MYO7B: variants seen among roughly 807,000 people sequenced by gnomAD.
MYO7B encodes the protein unconventional myosin-VIIb.
In MYO7B, 212 loss-of-function variants were observed where a neutral mutation model predicts 259.7. The ratio of observed to expected loss-of-function variants is 0.82; its 90% confidence interval spans 0.73 to 0.91. The LOEUF (loss-of-function observed/expected upper bound fraction) is 0.91, where lower values mean the gene tolerates loss of function less well. MYO7B is among the 40% of genes least tolerant of loss of function. The pLI, the probability that MYO7B is intolerant of heterozygous loss-of-function variation, is 0.00. For synonymous variants in MYO7B, 1,197 were observed against 1,166.4 expected, an observed-to-expected ratio of 1.03 and a Z score of -0.54; for missense variants, 2,732 against 2,813.5, an observed-to-expected ratio of 0.97 and a Z score of 0.66.
intron 9 of MYO7B, among the ~76,000 whole-genome samples, chr2:127,578,745 A>G (rs1311100347): frequency 6.6e-6 from 1 of 152,216 alleles, no homozygotes; most frequent in Non-Finnish European, 1.5e-5. Context: ...TTTTTCAAAC[A>G]CAACATCCAG....
Position 127,584,852 on chromosome 2 carries a change from C to G in MYO7B, c.1629C>G (p.Asn543Lys). 6.2e-7 allele frequency: 1 copy of G among 1,613,996 alleles called. No homozygotes were observed. The highest frequency in any genetic ancestry group is 2.2e-5 in the East Asian group (1 of 44,876). Residue 543 changes from asparagine to lysine, a missense_variant, in exon 14 of 48, where the codon AAC (asparagine) becomes AAG (lysine). This residue lies in a region of MYO7B where 1,906 missense variants were observed against 2,026.4 expected (regional missense o/e 0.94). Transcript: ENST00000409816. The surrounding 1 kb of genome is among the most constrained non-coding windows in gnomAD (Gnocchi z 5.8). ...ACAAGGCCTTCCTACAGCCCAAGAA[C>G]ATCCACGATGCCAGATTTGGCATTG... ...ANNKAFLQPK[N>K]IHDARFGIAH...
chr2:127,630,875 A>C lies in MYO7B; in HGVS notation c.4904A>C (p.His1635Pro), dbSNP rs1222663724. ...RPEEPPKEKL[H>P]TLEEFSYEFF... The stretch of plus-strand genomic sequence containing the variant: ...GAGGAGCCACCCAAGGAAAAGCTGC[A>C]CACCCTGGAGGAGTTCTCCTATGAG... Residue 1635 changes from histidine (H) to proline (P), a missense_variant, in exon 36 of 48, where the codon CAC (histidine) becomes CCC (proline). Coordinates refer to ENST00000409816, the MANE Select transcript of MYO7B (RefSeq NM_001393586.1). 1.2e-6 allele frequency: 2 copies of C among 1,604,818 alleles called. No homozygotes were observed. Among genetic ancestry groups the C allele is most frequent in the South Asian group, 2.2e-5 (2 of 89,768 alleles).
At chr2:127,547,770 C>T (rs1032867641) in intron 1 of MYO7B, among the ~76,000 whole-genome samples, 8 of 152,110 alleles carry the variant, frequency 5.3e-5, no homozygotes, top group African/African-American at 1.7e-4. Flanking sequence ...AGGAGAGTGC[C>T]TCAAGTTTTT....
intron 1 of MYO7B, among the ~76,000 whole-genome samples, chr2:127,552,914 G>A (rs184710517): frequency 5.9e-5 from 9 of 152,338 alleles, no homozygotes; most frequent in African/African-American, 1.9e-4. Flanking sequence ...GCAAAGAGGA[G>A]GGATTTTGGA....
intron 2 of MYO7B, 82 bp from the exon 3 acceptor site, chr2:127,564,071 T>C: frequency 9.9e-7 from 1 of 1,010,670 alleles, no homozygotes; most frequent in Non-Finnish European, 1.5e-6. Flanking sequence ...CTGGAAGGCA[T>C]AGCCCCGAAG....
At chr2:127,561,319 C>T (rs750594328) in intron 2 of MYO7B, among the ~76,000 whole-genome samples, 4 of 151,658 alleles carry the variant, frequency 2.6e-5, no homozygotes, top group East Asian at 1.9e-4. Flanking sequence ...GGCTGGAGTG[C>T]GCAATCTCGG....
Position 127,580,833 on chromosome 2 carries a change from T to C in MYO7B, c.1080+11T>C, listed in dbSNP as rs933653306. ...ATGAAGTTACTGGAGGTAGGGGTGC[T>C]GTGCCCACAGCTTCCATTTTGGTGG... On this transcript the variant is annotated intron_variant, in intron 10 of 47. Coordinates refer to ENST00000409816, the MANE Select transcript of MYO7B (RefSeq NM_001393586.1). 4.3e-6 allele frequency: 7 copies of C among 1,610,642 alleles called. No homozygotes were observed. The highest frequency in any genetic ancestry group is 5.9e-6 in the Non-Finnish European group (7 of 1,178,522).
rs1388998231 is a variant in MYO7B, at chr2:127,584,347, C to G, written c.1554+15C>G. The G allele has an allele frequency of 1.9e-6, 3 of 1,612,870 alleles. No homozygotes were observed. The highest frequency in any genetic ancestry group is 1.7e-5 in the Admixed American group (1 of 59,996). The stretch of plus-strand genomic sequence containing the variant: ...GCTTCCCGCAGGTGTGTGTTCGGGC[C>G]TGCCGACCTTCTGGTGGAGGCCCTG... On this transcript the variant is annotated intron_variant, in intron 13 of 47. Transcript: ENST00000409816. The surrounding 1 kb of genome is among the most constrained non-coding windows in gnomAD (Gnocchi z 5.8).
At position 127,584,904 on chromosome 2, in the gene MYO7B, C is replaced by G. The variant is rs767216242; in HGVS notation, c.1681C>G (p.Gln561Glu). Residue 561 changes from glutamine (Q) to glutamate (E), a missense_variant, in exon 14 of 48, where the codon CAA becomes GAA. Transcript: ENST00000409816. This position sits in a 1 kb window ranked among gnomAD's most constrained non-coding sequence, Gnocchi z 5.8. The part of the protein sequence containing the change: ...IAHFAGEVYY[Q>E]AEGFLEKNRD... Reference sequence around the variant, plus strand: ...CCATTTTGCCGGCGAGGTGTACTACCAAGCAGAAGGTGGGTGCAGCTCTCC... The same window carrying G: ...CCATTTTGCCGGCGAGGTGTACTACGAAGCAGAAGGTGGGTGCAGCTCTCC... 6.2e-7 allele frequency: 1 copy of G among 1,613,884 alleles called. No individual in the cohort carries two copies. The highest frequency in any genetic ancestry group is 8.5e-7 in the Non-Finnish European group (1 of 1,179,848).
intron 19 of MYO7B, 93 bp downstream of exon 19, chr2:127,596,649 C>CCCAGGGAGGGCCCA: frequency 9.6e-7 from 1 of 1,043,144 alleles, no homozygotes; most frequent in Non-Finnish European, 1.5e-6. Context: ...CACATGTTCC[C>CCCAGGGAGGGCCCA]GCTGGGCCCT....
chr2:127,593,667 A>G, intron 18 of MYO7B, 23 bp downstream of exon 18: 1 of 1,607,522 alleles, frequency 6.2e-7, no homozygotes, highest in Non-Finnish European at 8.5e-7. Context: ...GGAACCAGCC[A>G]GCTGTCGGCC....
chr2:127,566,449 C>G (rs1235417783), intron 4 of MYO7B, among the ~76,000 whole-genome samples, 194 bp from the exon 5 acceptor site: 1 of 152,242 alleles, frequency 6.6e-6, no homozygotes, highest in Non-Finnish European at 1.5e-5. Flanking sequence ...TGGTGGATAT[C>G]CCATCTTCCC....
chr2:127,622,019 A>T lies in MYO7B; in HGVS notation c.3563A>T (p.Tyr1188Phe). 6.4e-7 allele frequency: 1 copy of T among 1,551,644 alleles called. No individual in the cohort carries two copies. The highest frequency in any genetic ancestry group is 1.2e-5 in the South Asian group (1 of 84,056). ...LNFIGQGPATYGPFCAERLRR... is the reference protein window; with the variant it reads ...LNFIGQGPATFGPFCAERLRR... Reference sequence around the variant, plus strand: ...TTCATCGGCCAAGGGCCGGCGACCTACGGCCCCTTCTGTGCCGAGCGCCTG... The same window carrying T: ...TTCATCGGCCAAGGGCCGGCGACCTTCGGCCCCTTCTGTGCCGAGCGCCTG... The change falls in exon 28 of 48, where the codon TAC becomes TTC. Residue 1188 changes from tyrosine (Y) to phenylalanine (F), a missense_variant. By Grantham distance (22) the Tyr-to-Phe change is conservative. This residue lies in a region of MYO7B where 1,906 missense variants were observed against 2,026.4 expected (regional missense o/e 0.94). Coordinates refer to ENST00000409816, the MANE Select transcript of MYO7B (RefSeq NM_001393586.1).
rs1385874994 is a variant in MYO7B at position 127,546,351 on chromosome 2, G to A, written c.-24+10520G>A. Reference sequence around the variant, plus strand: ...TGGAAAGTGCCCTGCACACAACCTGGCACTCAGCTGCTTGCCCACTCCAGC... The same window carrying A: ...TGGAAAGTGCCCTGCACACAACCTGACACTCAGCTGCTTGCCCACTCCAGC... On this transcript the variant is annotated intron_variant, in intron 1 of 47. Coordinates refer to ENST00000409816, the MANE Select transcript of MYO7B (RefSeq NM_001393586.1). The surrounding 1 kb of genome is among the most constrained non-coding windows in gnomAD (Gnocchi z 4.2). 1.3e-5 allele frequency among the ~76,000 whole-genome samples: 2 copies of A among 152,148 alleles called. No individual in the cohort carries two copies. Among genetic ancestry groups the A allele is most frequent in the African/African-American group, 4.8e-5 (2 of 41,440 alleles).
In MYO7B at chr2:127,584,755, ACAGGGTGTCTGGGTTCTTC is replaced by A. The variant is rs1478331216; in HGVS notation, c.1555-17_1556del. Reference sequence around the variant, plus strand: ...TGGCTGGACTCTGGGACCTCAGCCCACAGGGTGTCTGGGTTCTTCCAGGGGACAGATCTCACCATGCTGC... The same window carrying A: ...TGGCTGGACTCTGGGACCTCAGCCCACAGGGGACAGATCTCACCATGCTGC... On this transcript the variant is annotated splice_polypyrimidine_tract_variant and splice_region_variant and intron_variant, in intron 13 of 47. Transcript: ENST00000409816. This position sits in a 1 kb window ranked among gnomAD's most constrained non-coding sequence, Gnocchi z 5.8. 6.2e-7 allele frequency: 1 copy of A among 1,613,064 alleles called. No individual in the cohort carries two copies. The highest frequency in any genetic ancestry group is 1.7e-5 in the Admixed American group (1 of 59,952).
intron 21 of MYO7B, among the ~76,000 whole-genome samples, chr2:127,608,412 G>A (rs941570156): frequency 6.6e-6 from 1 of 152,180 alleles, no homozygotes; most frequent in African/African-American, 2.4e-5. Context: ...GGTTCCTGGG[G>A]GTCCCTGGAG....
chr2:127,606,299 T>G (rs1334842795), intron 20 of MYO7B, among the ~76,000 whole-genome samples: 2 of 152,252 alleles, frequency 1.3e-5, no homozygotes, highest in Admixed American at 6.5e-5. Flanking sequence ...ATTTTTTCTC[T>G]TAACCACGGG....
Position 127,634,922 on chromosome 2 carries a change from G to A in MYO7B, c.5714-198G>A, listed in dbSNP as rs1188915806. ...CTGAGGGGCATGACCCTCATGGGCTGGGAGTGCGAGTCCAGGAATGTTCCT... is the reference window on the plus strand; with the variant it reads ...CTGAGGGGCATGACCCTCATGGGCTAGGAGTGCGAGTCCAGGAATGTTCCT... On this transcript the variant is annotated intron_variant, in intron 42 of 47. Coordinates refer to ENST00000409816, the MANE Select transcript of MYO7B (RefSeq NM_001393586.1). 4.7e-6 allele frequency: 3 copies of A among 639,418 alleles called. No individual in the cohort carries two copies. In the African/African-American group the frequency reaches 5.4e-5, roughly 12 times the overall value. The allele number at this position is 639,418 out of a possible 1,614,324, so 39.6% of individuals were successfully genotyped here. A position where few individuals can be genotyped will look rare whatever the true frequency, so the allele number is the denominator to read the frequency against.
intron 1 of MYO7B, among the ~76,000 whole-genome samples, chr2:127,547,226 C>T (rs1335777389): frequency 2.0e-5 from 3 of 152,344 alleles, no homozygotes; most frequent in African/African-American, 4.8e-5. Context: ...GTCCTGAGCC[C>T]TGACTAGTAT....
Sources: gnomAD v4.1 joint callset for allele counts (sites outside exome capture counted in the v4.1 genomes callset) on GRCh38, gnomAD v4.1.1 for gene constraint, gnomAD v4.1.1 regional missense constraint, Gnocchi (gnomAD v3.1) non-coding constraint, MANE v1.5 for transcripts, NCBI Gene and HGNC (gene_info 2026-07-23, HGNC 2026-07-21) for gene names.